Variants in THEM4 observed in about 807,000 individuals in gnomAD.
The protein encoded by THEM4 is acyl-coenzyme A thioesterase THEM4.
A neutral mutation model predicts 25.0 loss-of-function variants in THEM4; 22 were observed. The observed-to-expected ratio is 0.88, with a 90% confidence interval of 0.63 to 1.26. The LOEUF (loss-of-function observed/expected upper bound fraction) is 1.26. Among genes scored for constraint, THEM4 ranks in the 50% most tolerant of loss-of-function variants. The pLI, the probability that THEM4 is intolerant of heterozygous loss-of-function variation, is 0.00. For synonymous variants in THEM4, 113 were observed against 105.6 expected (o/e 1.07, Z -0.43); for missense variants, 286 against 300.3 (o/e 0.95, Z 0.35).
intron 1 of THEM4, among the ~76,000 whole-genome samples, chr1:151,896,135 G>C (rs1022294384): frequency 6.6e-6 from 1 of 151,878 alleles, no homozygotes; most frequent in African/African-American, 2.4e-5. Flanking sequence ...TGGAGTTACA[G>C]GTGCCGCCCC....
Position 151,874,844 on chromosome 1 carries a change from T to G in THEM4, c.*44A>C, listed in dbSNP as rs1653637541. 3 of 1,597,724 alleles carry G rather than the reference T, an allele frequency of 1.9e-6. No homozygotes were observed. Among genetic ancestry groups the G allele is most frequent in the Non-Finnish European group, 2.6e-6 (3 of 1,166,548 alleles). ...GCAGAGTATTTGGGGGACAACTGCT[T>G]CTTCTGGAGGGGCGAGAATGAGATG... On this transcript the variant is annotated 3_prime_UTR_variant, in exon 6 of 6. Transcript: ENST00000368814.
In THEM4 at chr1:151,876,387, G is replaced by T. The variant is rs533911169; in HGVS notation, c.682+614C>A. Among the ~76,000 whole-genome samples the T allele has an allele frequency of 2.6e-3, 396 of 152,008 alleles. 2 individuals carry two copies. Among genetic ancestry groups the T allele is most frequent in the African/African-American group, 9.3e-3 (386 of 41,432 alleles). ...TAGCAATCTAACACATTATAATTTTGCAGTTATTATACCTGTGAGATAAAG... is the reference window on the plus strand; with the variant it reads ...TAGCAATCTAACACATTATAATTTTTCAGTTATTATACCTGTGAGATAAAG... On this transcript the variant is annotated intron_variant, in intron 5 of 5. Coordinates refer to ENST00000368814, the MANE Select transcript of THEM4 (RefSeq NM_053055.5).
intron 1 of THEM4, among the ~76,000 whole-genome samples, chr1:151,908,999 C>G (rs1654536005): frequency 6.6e-6 from 1 of 152,178 alleles, no homozygotes; most frequent in Non-Finnish European, 1.5e-5. Context: ...GCTGTGGTAT[C>G]TTTTAGTTCA....
At chr1:151,901,542 C>T (rs1654352771) in intron 1 of THEM4, among the ~76,000 whole-genome samples, 1 of 152,114 alleles carries the variant, frequency 6.6e-6, no homozygotes, top group South Asian at 2.1e-4. Flanking sequence ...AAAAAGGAAC[C>T]TTCAAAACCA....
chr1:151,903,986 A>G (rs1246924509), intron 1 of THEM4, among the ~76,000 whole-genome samples: 1 of 152,240 alleles, frequency 6.6e-6, no homozygotes, highest in African/African-American at 2.4e-5. Context: ...CCCTGCCTTC[A>G]AGTGTTAGCA....
chr1:151,875,498 C>T (rs746765750), intron 5 of THEM4, among the ~76,000 whole-genome samples: 1 of 152,020 alleles, frequency 6.6e-6, no homozygotes, highest in Non-Finnish European at 1.5e-5. Flanking sequence ...AACTTACACA[C>T]TGTAAGGAGG....
chr1:151,909,324 T>C, intron 1 of THEM4, 36 bp downstream of exon 1: 1 of 1,494,578 alleles, frequency 6.7e-7, no homozygotes, highest in Admixed American at 2.1e-5. Context: ...TTCTGAGTCC[T>C]GCTCCCGCCC....
intron 4 of THEM4, among the ~76,000 whole-genome samples, chr1:151,885,241 C>A (rs1314575938): frequency 6.6e-6 from 1 of 152,108 alleles, no homozygotes; most frequent in Non-Finnish European, 1.5e-5. Context: ...GCCTCAGCCC[C>A]CCAAATAGCT....
intron 1 of THEM4, among the ~76,000 whole-genome samples, chr1:151,907,328 G>A (rs958290530): frequency 2.0e-5 from 3 of 152,152 alleles, no homozygotes; most frequent in African/African-American, 7.2e-5. Context: ...CACCACGAGG[G>A]TCCGTGGCTT....
intron 2 of THEM4, among the ~76,000 whole-genome samples, chr1:151,891,718 G>C (rs1029793189): frequency 6.6e-6 from 1 of 152,178 alleles, no homozygotes; most frequent in African/African-American, 2.4e-5. Context: ...TCATGGCAGT[G>C]TGTGGCTGGG....
chr1:151,894,153 G>A (rs938967366), intron 2 of THEM4, among the ~76,000 whole-genome samples: 23 of 152,130 alleles, frequency 1.5e-4, no homozygotes, highest in African/African-American at 5.1e-4. Flanking sequence ...ATGAGCCACG[G>A]TGCCTGGCCC....
Position 151,893,122 on chromosome 1 carries a change from G to A in THEM4, c.286+1886C>T, listed in dbSNP as rs559305592. 1.2e-3 allele frequency among the ~76,000 whole-genome samples: 188 copies of A among 152,166 alleles called. 1 individual carries two copies. In the South Asian group the frequency reaches 0.014, roughly 11 times the overall value. On this transcript the variant is annotated intron_variant, in intron 2 of 5. Coordinates refer to ENST00000368814, the MANE Select transcript of THEM4 (RefSeq NM_053055.5). ...ACAGTGGCTCATGCCTGTAATCCCCGCACTTTGGGAGGCCAAGGTGGGGCA... is the reference window on the plus strand; with the variant it reads ...ACAGTGGCTCATGCCTGTAATCCCCACACTTTGGGAGGCCAAGGTGGGGCA...
rs1653609222 is a variant in THEM4, at chr1:151,873,879, T to A, written c.*1009A>T. ...CCTAGCACTTTCAGGAGAATGGCCTTGGTCAACACCTTGATTTTGAACTTC... is the reference window on the plus strand; with the variant it reads ...CCTAGCACTTTCAGGAGAATGGCCTAGGTCAACACCTTGATTTTGAACTTC... On this transcript the variant is annotated 3_prime_UTR_variant, in exon 6 of 6. Transcript: ENST00000368814. 6.6e-6 allele frequency: 1 copy of A among 152,342 alleles called. No homozygotes were observed. The highest frequency in any genetic ancestry group is 2.1e-4 in the South Asian group (1 of 4,824). 9.4% of individuals were successfully genotyped at this position (152,342 alleles called of 1,614,324 possible). A position where few individuals can be genotyped will look rare whatever the true frequency, so the allele number is the denominator to read the frequency against.
chr1:151,876,092 T>C (rs926504353), intron 5 of THEM4, among the ~76,000 whole-genome samples: 2 of 152,338 alleles, frequency 1.3e-5, no homozygotes, highest in South Asian at 2.1e-4. Context: ...ACAACATGGA[T>C]GAACCTCAGT....
intron 1 of THEM4, among the ~76,000 whole-genome samples, chr1:151,907,176 C>A (rs1425002880): frequency 6.6e-6 from 1 of 152,120 alleles, no homozygotes; most frequent in Non-Finnish European, 1.5e-5. Flanking sequence ...GCCTTAAGAG[C>A]TATAACACTC....
Position 151,873,251 on chromosome 1 carries a change from C to T in THEM4, c.*1637G>A, listed in dbSNP as rs1041787798. On this transcript the variant is annotated 3_prime_UTR_variant, in exon 6 of 6. Coordinates refer to ENST00000368814, the MANE Select transcript of THEM4 (RefSeq NM_053055.5). ...CTTTGCTCACAGATTTTCCTGCTGA[C>T]CTTCTCCCCACTATCACCCTGTTCT... 1.3e-5 allele frequency among the ~76,000 whole-genome samples: 2 copies of T among 152,176 alleles called. No individual in the cohort carries two copies. The highest frequency in any genetic ancestry group is 4.8e-5 in the African/African-American group (2 of 41,448).
At chr1:151,909,008 C>T (rs74803244) in intron 1 of THEM4, among the ~76,000 whole-genome samples, 30 of 152,232 alleles carry the variant, frequency 2.0e-4, no homozygotes, top group Non-Finnish European at 3.7e-4. Context: ...TCTTTTAGTT[C>T]ACGTCACTTT....
intron 4 of THEM4, among the ~76,000 whole-genome samples, chr1:151,879,419 T>C (rs977382944): frequency 4.6e-5 from 7 of 152,010 alleles, no homozygotes; most frequent in Non-Finnish European, 8.8e-5. Context: ...AGTTCTTTTT[T>C]TTTTTTTAAC....
intron 1 of THEM4, among the ~76,000 whole-genome samples, chr1:151,898,946 C>T (rs1243952892): frequency 1.3e-5 from 2 of 152,228 alleles, no homozygotes; most frequent in African/African-American, 2.4e-5. Context: ...AGCCTTCAGC[C>T]CTAGACCTTC....
Sources: gnomAD v4.1 joint callset for allele counts (sites outside exome capture counted in the v4.1 genomes callset) on GRCh38, gnomAD v4.1.1 for gene constraint, MANE v1.5 for transcripts, NCBI Gene and HGNC (gene_info 2026-07-23, HGNC 2026-07-21) for gene names.